Variants in PTPRT observed in about 807,000 individuals in gnomAD.
The protein encoded by PTPRT is protein tyrosine phosphatase receptor type T.
Under a neutral mutation model 176.8 loss-of-function variants are expected in PTPRT, and 56 were observed. The ratio of observed to expected loss-of-function variants is 0.32; its 90% CI spans 0.26 to 0.40. The LOEUF is 0.40. Among genes scored for constraint, PTPRT ranks in the 10% least tolerant of loss-of-function variants. The pLI is 1.00. For synonymous variants in PTPRT, 783 were observed against 739.0 expected (o/e 1.06, Z -0.96); for missense variants, 1,540 against 1,908.2 (o/e 0.81, Z 3.60).
At chr20:42,174,181 A>C (rs916805728) in intron 16 of PTPRT, among the ~76,000 whole-genome samples, 1 of 152,208 alleles carries the variant, frequency 6.6e-6, no homozygotes, top group African/African-American at 2.4e-5. Flanking sequence ...TGGCTTGTTA[A>C]GATAAATAGC....
intron 12 of PTPRT, 129 bp downstream of exon 12, chr20:42,315,594 G>A: frequency 9.4e-7 from 1 of 1,062,704 alleles, no homozygotes. Flanking sequence ...TTAATTTAAA[G>A]GCATGAGGTA....
chr20:42,624,610 C>T (rs565593602), intron 7 of PTPRT, among the ~76,000 whole-genome samples: 45 of 152,228 alleles, frequency 3.0e-4, no homozygotes, highest in Middle Eastern at 6.8e-3. Flanking sequence ...TCTTGGTCCC[C>T]ATAACCCAAC....
chr20:42,409,912 T>C (rs2058997321), intron 9 of PTPRT, among the ~76,000 whole-genome samples: 1 of 152,174 alleles, frequency 6.6e-6, no homozygotes, highest in Non-Finnish European at 1.5e-5. Flanking sequence ...TACAACTCAG[T>C]AAATTTAAAA....
chr20:42,835,620 T>G (rs2078168205), intron 2 of PTPRT, among the ~76,000 whole-genome samples: 5 of 152,172 alleles, frequency 3.3e-5, no homozygotes, highest in Admixed American at 3.3e-4. Flanking sequence ...CTTTTAAAAC[T>G]GTTCTAGACA....
rs62204865 is a variant in PTPRT, at chr20:42,467,435, A to G, written c.1450+4831T>C. Among the ~76,000 whole-genome samples, 1,298 of 152,324 alleles carry G rather than the reference A, an allele frequency of 8.5e-3. 11 individuals are homozygous for G. The highest frequency in any genetic ancestry group is 0.014 in the Middle Eastern group (4 of 294). On this transcript the variant is annotated intron_variant, in intron 8 of 30. Transcript: ENST00000373187. ...ACAATGAGAAATATACATCGCCAAC[A>G]TAATGGTTTTGCCAAAGATATACGG...
At chr20:42,418,719 G>A (rs2059088541) in intron 9 of PTPRT, among the ~76,000 whole-genome samples, 1 of 152,136 alleles carries the variant, frequency 6.6e-6, no homozygotes, top group South Asian at 2.1e-4. Flanking sequence ...CTGGAGAGGG[G>A]TAGGGTATTC....
chr20:42,773,484 T>C (rs1000486872), intron 4 of PTPRT, among the ~76,000 whole-genome samples: 3 of 152,140 alleles, frequency 2.0e-5, no homozygotes, highest in Admixed American at 1.3e-4. Context: ...CTCAGGTTTT[T>C]AAACTAATGA....
intron 19 of PTPRT, among the ~76,000 whole-genome samples, chr20:42,122,469 A>G (rs1019535862): frequency 4.6e-5 from 7 of 152,198 alleles, no homozygotes; most frequent in Non-Finnish European, 8.8e-5. Context: ...CCCTTCCTCC[A>G]AGTCAAGTGG....
chr20:42,108,447 A>ATAAT (rs927315181), intron 23 of PTPRT, among the ~76,000 whole-genome samples: 2 of 146,736 alleles, frequency 1.4e-5, no homozygotes, highest in South Asian at 2.1e-4. Flanking sequence ...GATGTTGATA[A>ATAAT]TAATTAATAG....
chr20:43,046,840 C>T (rs1181353049), intron 1 of PTPRT, among the ~76,000 whole-genome samples: 1 of 152,188 alleles, frequency 6.6e-6, no homozygotes, highest in African/African-American at 2.4e-5. Context: ...CACAGTGAGA[C>T]AAGGATAATG....
At chr20:43,043,533 G>A (rs1640417967) in intron 1 of PTPRT, among the ~76,000 whole-genome samples, 1 of 152,198 alleles carries the variant, frequency 6.6e-6, no homozygotes, top group Non-Finnish European at 1.5e-5. Flanking sequence ...TTTTACAAAT[G>A]AAGAAATCAG....
chr20:42,542,066 GC>G (rs1487518820), intron 7 of PTPRT, among the ~76,000 whole-genome samples: 1 of 152,068 alleles, frequency 6.6e-6, no homozygotes, highest in African/African-American at 2.4e-5. Flanking sequence ...TTATAAAGGG[GC>G]AGTTCCCCTG....
At chr20:43,119,656 ACC>A (rs1303189361) in intron 1 of PTPRT, among the ~76,000 whole-genome samples, 2 of 152,348 alleles carry the variant, frequency 1.3e-5, no homozygotes, top group African/African-American at 4.8e-5. Context: ...GTAAAAAGAA[ACC>A]TTCTGGTTTC....
chr20:42,956,503 T>C (rs1981647516), intron 1 of PTPRT, among the ~76,000 whole-genome samples: 1 of 152,204 alleles, frequency 6.6e-6, no homozygotes, highest in Non-Finnish European at 1.5e-5. Flanking sequence ...GTAAGCTTCC[T>C]GAGGCCTCCC....
At chr20:42,559,600 A>C (rs972500642) in intron 7 of PTPRT, among the ~76,000 whole-genome samples, 4 of 152,198 alleles carry the variant, frequency 2.6e-5, no homozygotes, top group African/African-American at 9.7e-5. Flanking sequence ...TAGAGTCTAC[A>C]GGGCACGGCA....
intron 2 of PTPRT, among the ~76,000 whole-genome samples, chr20:42,800,160 G>A (rs573326371): frequency 6.6e-6 from 1 of 152,126 alleles, no homozygotes; most frequent in African/African-American, 2.4e-5. Context: ...TTCTTTTACA[G>A]TTGGGAAAAC....
rs532498315 is a variant in PTPRT at position 43,176,304 on chromosome 20, T to A, written c.88+13342A>T. ...AGAGCGAGACCCTGGGCTCTGACTG[T>A]GCCACTGTACTCTAGCCTGGCAACA... is the stretch of plus-strand genomic sequence containing the variant. On this transcript the variant is annotated intron_variant, in intron 1 of 30. Coordinates refer to ENST00000373187, the MANE Select transcript of PTPRT (RefSeq NM_007050.6). Among the ~76,000 whole-genome samples, 31 of 152,204 alleles carry A rather than the reference T, an allele frequency of 2.0e-4. No homozygotes were observed. In the South Asian group the frequency reaches 6.2e-3, roughly 31 times the overall value.
intron 2 of PTPRT, among the ~76,000 whole-genome samples, chr20:42,816,634 G>T (rs1421130707): frequency 1.3e-5 from 2 of 152,238 alleles, no homozygotes; most frequent in Admixed American, 6.5e-5. Context: ...AAAAGTGGCA[G>T]TTTTTTCTTG....
intron 1 of PTPRT, among the ~76,000 whole-genome samples, chr20:42,943,407 C>A (rs117239449): frequency 6.6e-6 from 1 of 152,156 alleles, no homozygotes; most frequent in Admixed American, 6.5e-5. Flanking sequence ...TGCCCAATGC[C>A]TAAAGTTGAG....
Sources: gnomAD v4.1 joint callset for allele counts (sites outside exome capture counted in the v4.1 genomes callset) on GRCh38, gnomAD v4.1.1 for gene constraint, MANE v1.5 for transcripts, NCBI Gene and HGNC (gene_info 2026-07-23, HGNC 2026-07-21) for gene names.